Variants in P2RY8 observed in about 807,000 individuals in gnomAD.
P2RY8 encodes S-geranylgeranyl-glutathione receptor P2RY8.
A neutral mutation model predicts 10.0 loss-of-function variants in P2RY8; 6 were observed. That is an observed-to-expected ratio of 0.60 (90% CI 0.33 to 1.19). The LOEUF (loss-of-function observed/expected upper bound fraction) is 1.19, where lower values mean the gene tolerates loss of function less well. Among genes scored for constraint, P2RY8 ranks in the 50% most tolerant of loss-of-function variants. The pLI, the probability that P2RY8 is intolerant of heterozygous loss-of-function variation, is 0.04. For missense variants in P2RY8, 456 were observed against 542.0 expected, an observed-to-expected ratio of 0.84 and a Z score of 1.58; for synonymous variants, 276 against 252.5, an observed-to-expected ratio of 1.09 and a Z score of -0.88.
At chrX:1,491,354 G>A (rs1201376087) in intron 1 of P2RY8, among the ~76,000 whole-genome samples, 13 of 152,230 alleles carry the variant, frequency 8.5e-5, no homozygotes, top group African/African-American at 3.1e-4. Context: ...CCCCACAAAT[G>A]TGAAGGGAAT....
At chrX:1,469,973 C>T (rs1290107078) in intron 1 of P2RY8, among the ~76,000 whole-genome samples, 1 of 152,138 alleles carries the variant, frequency 6.6e-6, no homozygotes, top group Non-Finnish European at 1.5e-5. Flanking sequence ...TAAGCTTTCA[C>T]TCATTCATAC....
chrX:1,463,831 T>C lies in P2RY8; in HGVS notation c.*1648A>G, dbSNP rs1226329675. ...TATGTGGCCTCCTGCTTTGTGTCTGTGTCTCCTCTTCCGTCTCTCATAGGG... is the reference window on the plus strand; with the variant it reads ...TATGTGGCCTCCTGCTTTGTGTCTGCGTCTCCTCTTCCGTCTCTCATAGGG... On this transcript the variant is annotated 3_prime_UTR_variant, in exon 2 of 2. Coordinates refer to ENST00000381297, the MANE Select transcript of P2RY8 (RefSeq NM_178129.5). 3.0e-5 allele frequency: 7 copies of C among 233,172 alleles called. No homozygotes were observed. The highest frequency in any genetic ancestry group is 1.5e-4 in the African/African-American group (7 of 45,346). The allele number at this position is 233,172 out of a possible 1,614,324, so 14.4% of individuals were successfully genotyped here.
chrX:1,467,614 A>G (rs1368631997), intron 1 of P2RY8, among the ~76,000 whole-genome samples: 2 of 152,226 alleles, frequency 1.3e-5, no homozygotes, highest in Non-Finnish European at 2.9e-5. Flanking sequence ...AAGGGACACT[A>G]CTTTTATTTT....
intron 1 of P2RY8, among the ~76,000 whole-genome samples, chrX:1,503,284 G>C (rs142565685): frequency 6.6e-6 from 1 of 152,134 alleles, no homozygotes; most frequent in South Asian, 2.1e-4. Flanking sequence ...TCTGGCCCCC[G>C]GAACTGTAAG....
intron 1 of P2RY8, among the ~76,000 whole-genome samples, chrX:1,521,248 A>C (rs1412406946): frequency 2.4e-4 from 37 of 151,970 alleles, no homozygotes; most frequent in African/African-American, 8.7e-4. Flanking sequence ...GAGTTTCACT[A>C]TATTGGCCAG....
At chrX:1,518,804 A>G (rs1473908061) in intron 1 of P2RY8, among the ~76,000 whole-genome samples, 2 of 151,970 alleles carry the variant, frequency 1.3e-5, no homozygotes, top group African/African-American at 4.8e-5. Context: ...GTTCCCCAAA[A>G]TCTTTCTAGT....
At chrX:1,481,471 C>A (rs1209114438) in intron 1 of P2RY8, among the ~76,000 whole-genome samples, 1 of 152,080 alleles carries the variant, frequency 6.6e-6, no homozygotes, top group East Asian at 1.9e-4. Flanking sequence ...GCCAGGTAGT[C>A]ACATTTTCTT....
At chrX:1,532,660 G>A (rs189807862) in intron 1 of P2RY8, among the ~76,000 whole-genome samples, 11,103 of 151,822 alleles carry the variant, frequency 0.073, 550 homozygotes, top group Non-Finnish European at 0.11. Context: ...AACATCGTAT[G>A]TTCTCACTCA....
At chrX:1,504,206 C>G (rs1325321716) in intron 1 of P2RY8, among the ~76,000 whole-genome samples, 1 of 148,768 alleles carries the variant, frequency 6.7e-6, no homozygotes, top group East Asian at 2.0e-4. Context: ...GTCCCAGCTA[C>G]TCGGGAGGCT....
chrX:1,515,029 G>A (rs2092335025), intron 1 of P2RY8, among the ~76,000 whole-genome samples: 1 of 148,988 alleles, frequency 6.7e-6, no homozygotes. Flanking sequence ...TCAGCCTCCC[G>A]AGTAGAGTAG....
intron 1 of P2RY8, among the ~76,000 whole-genome samples, chrX:1,522,931 T>C (rs1281993902): frequency 6.7e-6 from 1 of 150,036 alleles, no homozygotes; most frequent in Non-Finnish European, 1.5e-5. Flanking sequence ...TAGCTGGGCA[T>C]GGTGCCACAT....
rs1245241515 is a variant in P2RY8, at chrX:1,524,557, G to GCATC, written c.-25+12360_-25+12363dup. On this transcript the variant is annotated intron_variant, in intron 1 of 1. Coordinates refer to ENST00000381297, the MANE Select transcript of P2RY8 (RefSeq NM_178129.5). ...TCCATCCATCCATCCATCCATGCAT[G>GCATC]CATCCATCCATCCATCCATCCATCC... Among the ~76,000 whole-genome samples, 240 of 64,924 alleles carry GCATC rather than the reference G, an allele frequency of 3.7e-3. 10 individuals are homozygous for GCATC. The highest frequency in any genetic ancestry group is 8.8e-3 in the African/African-American group (144 of 16,314). The allele number at this position is 64,924 out of a possible 152,430, so 42.6% of individuals were successfully genotyped here. A position where few individuals can be genotyped will look rare whatever the true frequency, so the allele number is the denominator to read the frequency against.
chrX:1,500,564 C>G (rs1396162872), intron 1 of P2RY8, among the ~76,000 whole-genome samples: 1 of 152,040 alleles, frequency 6.6e-6, no homozygotes, highest in Non-Finnish European at 1.5e-5. Flanking sequence ...CCTGCCTCAG[C>G]CTCCCGAGTA....
In P2RY8 at chrX:1,465,149, TA is replaced by T. The variant is rs1189502483; in HGVS notation, c.*329del. 132 of 416,270 alleles carry T rather than the reference TA, an allele frequency of 3.2e-4. No individual in the cohort carries two copies. The highest frequency in any genetic ancestry group is 1.2e-3 in the Middle Eastern group (2 of 1,614). 25.8% of individuals were successfully genotyped at this position (416,270 alleles called of 1,614,324 possible). A position where few individuals can be genotyped will look rare whatever the true frequency, so the allele number is the denominator to read the frequency against. On this transcript the variant is annotated 3_prime_UTR_variant, in exon 2 of 2. Transcript: ENST00000381297. ...CTCGGGGGTGACAGCCCAGCTCTAC[TA>T]AAAAAAATACAAAAATTAGCCGGGC... is the stretch of plus-strand genomic sequence containing the variant.
intron 1 of P2RY8, among the ~76,000 whole-genome samples, chrX:1,502,328 C>A (rs1394553845): frequency 6.6e-6 from 1 of 152,104 alleles, no homozygotes; most frequent in Non-Finnish European, 1.5e-5. Flanking sequence ...CATGTCCTCC[C>A]GGGGGGCAGG....
intron 1 of P2RY8, among the ~76,000 whole-genome samples, chrX:1,516,736 A>C (rs28778049): frequency 1.3e-5 from 2 of 148,296 alleles, no homozygotes; most frequent in Non-Finnish European, 3.0e-5. Context: ...AGCAGCCTGA[A>C]ATGGACGAGA....
chrX:1,526,368 A>G (rs761486586), intron 1 of P2RY8, among the ~76,000 whole-genome samples: 2 of 151,786 alleles, frequency 1.3e-5, no homozygotes, highest in South Asian at 4.2e-4. Context: ...TCATCCATCC[A>G]TTTATCAATA....
At chrX:1,513,118 G>A (rs1490241740) in intron 1 of P2RY8, among the ~76,000 whole-genome samples, 7 of 150,606 alleles carry the variant, frequency 4.6e-5, no homozygotes, top group Admixed American at 2.7e-4. Flanking sequence ...GAGAACATGC[G>A]GCATTTCATT....
At chrX:1,504,773 G>A (rs2092214883) in intron 1 of P2RY8, among the ~76,000 whole-genome samples, 2 of 151,886 alleles carry the variant, frequency 1.3e-5, no homozygotes, top group South Asian at 2.1e-4. Flanking sequence ...GATCACCTGA[G>A]GTCAGGAGTT....
Sources: allele counts gnomAD v4.1 joint callset (sites outside exome capture counted in the v4.1 genomes callset), GRCh38; gene constraint gnomAD v4.1.1; transcripts MANE v1.5; gene names NCBI Gene and HGNC (gene_info 2026-07-23, HGNC 2026-07-21).